CDH26: variants seen among roughly 807,000 people sequenced by gnomAD.
The protein encoded by CDH26 is cadherin-like protein 26.
In CDH26, 83 loss-of-function variants were observed where a neutral mutation model predicts 90.3. The ratio of observed to expected loss-of-function variants is 0.92; its 90% CI spans 0.77 to 1.10. The LOEUF is 1.10. CDH26 is among the 50% of genes least tolerant of loss of function. CDH26 has a pLI of 0.00. For synonymous variants in CDH26, 397 were observed against 396.3 expected (o/e 1.00, Z -0.02); for missense variants, 1,013 against 1,037.6 (o/e 0.98, Z 0.33).
At chr20:59,989,597 A>G (rs2061504038) in intron 9 of CDH26, among the ~76,000 whole-genome samples, 1 of 151,954 alleles carries the variant, frequency 6.6e-6, no homozygotes, top group Admixed American at 6.6e-5. Context: ...AGGTTGCCTC[A>G]GTCTCCGTGA....
At chr20:59,982,458 G>A (rs1171862853) in intron 4 of CDH26, among the ~76,000 whole-genome samples, 2 of 152,128 alleles carry the variant, frequency 1.3e-5, no homozygotes, top group Non-Finnish European at 2.9e-5. Context: ...TAACTGCAGT[G>A]GCCATTTAAA....
chr20:59,970,242 C>A, intron 3 of CDH26, 56 bp downstream of exon 3: 1 of 1,590,684 alleles, frequency 6.3e-7, no homozygotes, highest in Non-Finnish European at 8.5e-7. Context: ...TAAGCACGCC[C>A]CTTTGGCCAG....
Position 59,996,011 on chromosome 20 carries a change from G to A in CDH26, c.1845G>A (p.Val615=), listed in dbSNP as rs2061591764. 6.2e-7 allele frequency: 1 copy of A among 1,613,858 alleles called. No homozygotes were observed. Among genetic ancestry groups the A allele is most frequent in the South Asian group, 1.1e-5 (1 of 91,078 alleles). The change falls in exon 12 of 18, where the codon GTG becomes GTA. Residue 615 remains valine, a synonymous_variant. Transcript: ENST00000348616. Reference sequence around the variant, plus strand: ...CAGATGCAGAAGTGGGGCTTCATGTGGGGGCCCTGTTCCCTGTCTGTGCAG... The same window carrying A: ...CAGATGCAGAAGTGGGGCTTCATGTAGGGGCCCTGTTCCCTGTCTGTGCAG... ...ELADAEVGLH[V]GALFPVCAAF...
chr20:59,970,508 T>C (rs186086364), intron 3 of CDH26, among the ~76,000 whole-genome samples: 4 of 151,740 alleles, frequency 2.6e-5, no homozygotes, highest in African/African-American at 9.7e-5. Context: ...TTAAATATTA[T>C]TTAAAAACAG....
exon 9 of CDH26, chr20:60,033,842 T>G: frequency 9.6e-7 from 1 of 1,036,730 alleles, no homozygotes; most frequent in Non-Finnish European, 1.2e-6. Context: ...GCCCTGGTCA[T>G]AAATAACTTT....
At chr20:59,999,756 C>A in intron 14 of CDH26, 93 bp downstream of exon 14, 1 of 1,159,404 alleles carries the variant, frequency 8.6e-7, no homozygotes, top group Admixed American at 1.8e-5. Context: ...CCTCCCAGTG[C>A]CACATCCAGG....
chr20:60,021,889 C>CATATAT (rs1460325563), intron 7 of CDH26, among the ~76,000 whole-genome samples: 4 of 90,044 alleles, frequency 4.4e-5, no homozygotes, highest in African/African-American at 1.4e-4. Context: ...CACACACACA[C>CATATAT]ACACACACAT....
downstream of CDH26, among the ~76,000 whole-genome samples, chr20:60,035,362 A>C (rs1430053137): frequency 6.6e-6 from 1 of 152,248 alleles, no homozygotes; most frequent in East Asian, 1.9e-4. Flanking sequence ...ATACCTATTG[A>C]CAAATTGTTT....
At chr20:60,009,657 C>T (rs6128738) in intron 17 of CDH26, among the ~76,000 whole-genome samples, 18,411 of 152,002 alleles carry the variant, frequency 0.12, 1,607 homozygotes, top group East Asian at 0.45. Flanking sequence ...CCTGTTCTTT[C>T]CTTGTGAGCC....
At chr20:60,025,321 A>G (rs148064643) in intron 7 of CDH26, among the ~76,000 whole-genome samples, 37 of 152,356 alleles carry the variant, frequency 2.4e-4, no homozygotes, top group African/African-American at 8.4e-4. Flanking sequence ...GATTTTTCCC[A>G]TTATGTTTAA....
chr20:59,969,464 A>AT (rs2061222953), intron 2 of CDH26, among the ~76,000 whole-genome samples: 1 of 152,210 alleles, frequency 6.6e-6, no homozygotes, highest in Admixed American at 6.5e-5. Flanking sequence ...AAGAACTTAC[A>AT]TTTTTGTTGA....
At chr20:59,977,320 C>T (rs2061338668) in intron 4 of CDH26, among the ~76,000 whole-genome samples, 1 of 152,150 alleles carries the variant, frequency 6.6e-6, no homozygotes, top group African/African-American at 2.4e-5. Flanking sequence ...GCCTGGACCA[C>T]CCTCGTGCCA....
intron 1 of CDH26, among the ~76,000 whole-genome samples, chr20:59,963,070 T>C (rs182123296): frequency 3.9e-5 from 6 of 152,232 alleles, no homozygotes; most frequent in African/African-American, 1.2e-4. Flanking sequence ...GAGTGTTGTA[T>C]GTTAAAAAGG....
intron 9 of CDH26, among the ~76,000 whole-genome samples, chr20:59,989,800 G>C (rs1443630489): frequency 6.6e-6 from 1 of 152,168 alleles, no homozygotes; most frequent in Non-Finnish European, 1.5e-5. Context: ...CTCTGTACCA[G>C]AAGTTATAAA....
intron 7 of CDH26, among the ~76,000 whole-genome samples, chr20:60,019,583 T>A (rs2061935616): frequency 6.6e-6 from 1 of 152,228 alleles, no homozygotes; most frequent in Admixed American, 6.5e-5. Context: ...TTGAATTTCA[T>A]GTACATATCA....
In CDH26 at chr20:59,989,022, CCA is replaced by C. The variant is rs1361884661; in HGVS notation, c.1144_1145del (p.Thr382CysfsTer23). ...CCGCCAAGGAAGGCAGCAGCCAGCG[CCA>C]CTGTGAGTGTGCAGGTGACAGACGC... On this transcript the variant is annotated frameshift_variant, in exon 9 of 18. Coordinates refer to ENST00000348616, the MANE Select transcript of CDH26 (RefSeq NM_177980.4). LOFTEE classifies it high-confidence loss of function. 1.9e-6 allele frequency: 3 copies of C among 1,614,208 alleles called. No individual in the cohort carries two copies. In the South Asian group the frequency reaches 3.3e-5, roughly 18 times the overall value.
chr20:60,021,849 T>TAA (rs2061953464), intron 7 of CDH26, among the ~76,000 whole-genome samples: 1 of 42,628 alleles, frequency 2.3e-5, no homozygotes, highest in Non-Finnish European at 5.5e-5. Flanking sequence ...TCCTTATCTG[T>TAA]ACACACACAC....
Position 60,012,412 on chromosome 20 carries a change from G to A in CDH26, c.2296-115G>A, listed in dbSNP as rs182056353. On this transcript the variant is annotated intron_variant, in intron 17 of 17. Coordinates refer to ENST00000348616, the MANE Select transcript of CDH26 (RefSeq NM_177980.4). Reference sequence around the variant, plus strand: ...GAACTCCTGTGTCAGCTGAGGACACGGGGCCTGAGTGCTGTTACTACTGCA... The same window carrying A: ...GAACTCCTGTGTCAGCTGAGGACACAGGGCCTGAGTGCTGTTACTACTGCA... 3.3e-5 allele frequency: 30 copies of A among 909,998 alleles called. No individual in the cohort carries two copies. In the Admixed American group the frequency reaches 3.3e-4, roughly 10 times the overall value. 56.4% of individuals were successfully genotyped at this position (909,998 alleles called of 1,614,324 possible). A position where few individuals can be genotyped will look rare whatever the true frequency, so the allele number is the denominator to read the frequency against.
At position 59,984,744 on chromosome 20, in the gene CDH26, G is replaced by A; in HGVS notation, c.647G>A (p.Ser216Asn). Reference sequence around the variant, plus strand: ...TCTCAAACACCATTACTGAAAGAAAGTGGTTTCCGGGTTGATCGCCTTAGT... The same window carrying A: ...TCTCAAACACCATTACTGAAAGAAAATGGTTTCCGGGTTGATCGCCTTAGT... Reference protein sequence around the residue: ...LISQTPLLKESGFRVDRLSGE... With the variant: ...LISQTPLLKENGFRVDRLSGE... Residue 216 changes from serine (S) to asparagine (N), a missense_variant, in exon 6 of 18, where the codon AGT becomes AAT. By Grantham distance (46) the Ser-to-Asn change is conservative. Coordinates refer to ENST00000348616, the MANE Select transcript of CDH26 (RefSeq NM_177980.4). 6.2e-7 allele frequency: 1 copy of A among 1,613,942 alleles called. No individual in the cohort carries two copies. Among genetic ancestry groups the A allele is most frequent in the Non-Finnish European group, 8.5e-7 (1 of 1,179,910 alleles).
Sources: gnomAD v4.1 joint callset for allele counts (sites outside exome capture counted in the v4.1 genomes callset) on GRCh38, gnomAD v4.1.1 for gene constraint, MANE v1.5 for transcripts, NCBI Gene and HGNC (gene_info 2026-07-23, HGNC 2026-07-21) for gene names.